OTOA: variants seen among roughly 807,000 people sequenced by gnomAD.
The protein encoded by OTOA is otoancorin.
A neutral mutation model predicts 110.8 loss-of-function variants in OTOA; 70 were observed. That is an observed-to-expected ratio of 0.63 (90% CI 0.52 to 0.77). The LOEUF (loss-of-function observed/expected upper bound fraction) is 0.77, where lower values mean the gene tolerates loss of function less well. Ranked by LOEUF, OTOA falls within the 30% of genes least tolerant of loss-of-function variation. OTOA has a pLI of 0.00. For synonymous variants in OTOA, 373 were observed against 431.5 expected (o/e 0.86, Z 1.68); for missense variants, 917 against 1,075.8 (o/e 0.85, Z 2.06).
chr16:21,695,866 G>GATATATATATATATATATATAT (rs71151648), intron 9 of OTOA, among the ~76,000 whole-genome samples: 5 of 72,728 alleles, frequency 6.9e-5, no homozygotes, highest in Non-Finnish European at 9.2e-5. Flanking sequence ...CTAGACTTGA[G>GATATATATATATATATATATAT]ATATATATAT....
intron 1 of OTOA, among the ~76,000 whole-genome samples, chr16:21,665,166 C>T (rs1039679601): frequency 1.4e-4 from 22 of 152,014 alleles, no homozygotes; most frequent in Admixed American, 1.4e-3. Flanking sequence ...GGGTCTTATC[C>T]CTGGGGTGGC....
At chr16:21,692,016 A>T (rs912905211) in intron 9 of OTOA, among the ~76,000 whole-genome samples, 7 of 152,116 alleles carry the variant, frequency 4.6e-5, no homozygotes, top group Admixed American at 1.3e-4. Flanking sequence ...AAATCTGTAT[A>T]AAAAAATCTA....
chr16:21,724,010 G>A (rs1169069837), intron 18 of OTOA, among the ~76,000 whole-genome samples: 1 of 152,176 alleles, frequency 6.6e-6, no homozygotes. Context: ...TGGAGCTGGA[G>A]AGAAACCACA....
At chr16:21,750,412 CAAAAAAA>C (rs761415597) in intron 24 of OTOA, among the ~76,000 whole-genome samples, 3,336 of 36,290 alleles carry the variant, frequency 0.092, 181 homozygotes, top group East Asian at 0.39. Context: ...GACCTTGTCT[CAAAAAAA>C]AAAAAAAAAA....
Position 21,728,274 on chromosome 16 carries a change from A to G in OTOA, c.2050A>G (p.Ile684Val), listed in dbSNP as rs760306563. The G allele has an allele frequency of 2.5e-6, 4 of 1,614,170 alleles. No homozygotes were observed. The Admixed American group carries it at 6.7e-5, about 27-fold the overall frequency. Residue 684 changes from isoleucine (I) to valine (V), a missense_variant, in exon 20 of 29, where the codon ATC becomes GTC. Around this residue, in one of 6 missense-constraint regions of OTOA, gnomAD observed 840 missense variants for 910.2 expected, o/e 0.92. Transcript: ENST00000646100. Reference sequence around the variant, plus strand: ...CATTGCTGATGAGTACACTGTGGACATCATGGGGAACCTGCTGTGTCACTT... The same window carrying G: ...CATTGCTGATGAGTACACTGTGGACGTCATGGGGAACCTGCTGTGTCACTT... ...DSIADEYTVD[I>V]MGNLLCHLPA...
At chr16:21,736,417 AT>A in intron 22 of OTOA, 27 bp downstream of exon 22, 1 of 1,613,740 alleles carries the variant, frequency 6.2e-7, no homozygotes, top group Non-Finnish European at 8.5e-7. Flanking sequence ...TATCTGAGCC[AT>A]TGCTGACATA....
chr16:21,709,933 A>T lies in OTOA; in HGVS notation c.1150A>T (p.Asn384Tyr). 6.2e-7 allele frequency: 1 copy of T among 1,613,994 alleles called. No individual in the cohort carries two copies. Among genetic ancestry groups the T allele is most frequent in the Non-Finnish European group, 8.5e-7 (1 of 1,179,930 alleles). Reference protein sequence around the residue: ...LDIAMENQTLNETLGSLSDAV... With the variant: ...LDIAMENQTLYETLGSLSDAV... ...CATTGCCATGGAGAACCAGACCCTC[A>T]ATGAGACCCTGGGTTCTTTGTCGGA... The change falls in exon 13 of 29, where the codon AAT becomes TAT. Residue 384 changes from asparagine to tyrosine, a missense_variant. Around this residue, in one of 6 missense-constraint regions of OTOA, gnomAD observed 840 missense variants for 910.2 expected, o/e 0.92. Transcript: ENST00000646100.
intron 12 of OTOA, among the ~76,000 whole-genome samples, chr16:21,708,823 C>A (rs548156231): frequency 6.6e-6 from 1 of 152,202 alleles, no homozygotes; most frequent in African/African-American, 2.4e-5. Flanking sequence ...TGTTACAGAG[C>A]TCATTGTATA....
intron 17 of OTOA, among the ~76,000 whole-genome samples, chr16:21,722,097 C>CAA (rs71379629): frequency 2.5e-4 from 32 of 127,722 alleles, no homozygotes; most frequent in African/African-American, 8.9e-4. Context: ...ACTAAAAATA[C>CAA]AAAAAAAAAA....
At chr16:21,731,814 T>C (rs1040094291) in intron 21 of OTOA, among the ~76,000 whole-genome samples, 1 of 152,176 alleles carries the variant, frequency 6.6e-6, no homozygotes, top group African/African-American at 2.4e-5. Flanking sequence ...AAGGTGCACA[T>C]GGTCACACAT....
At chr16:21,685,420 G>T (rs1897695712) in intron 7 of OTOA, 59 bp downstream of exon 7, 8 of 1,596,316 alleles carry the variant, frequency 5.0e-6, no homozygotes, top group Non-Finnish European at 6.8e-6. Context: ...GGTGTTTGTT[G>T]AATTGAATAA....
rs1900143504 is a variant in OTOA at position 21,760,649 on chromosome 16, A to G, written c.*109A>G. On this transcript the variant is annotated 3_prime_UTR_variant, in exon 29 of 29. Coordinates refer to ENST00000646100, the MANE Select transcript of OTOA (RefSeq NM_144672.4). ...CTTCCCTGGATCCAGACCCTCATCT[A>G]GGGCAGGGAAACCCTGGGGCCTTGA... 8.2e-6 allele frequency: 8 copies of G among 977,352 alleles called. No individual in the cohort carries two copies. In the Admixed American group the frequency reaches 1.4e-4, roughly 17 times the overall value. The allele number at this position is 977,352 out of a possible 1,614,324, so 60.5% of individuals were successfully genotyped here.
At chr16:21,664,760 C>G (rs1436553136) in intron 1 of OTOA, among the ~76,000 whole-genome samples, 1 of 151,918 alleles carries the variant, frequency 6.6e-6, no homozygotes, top group Non-Finnish European at 1.5e-5. Flanking sequence ...TCACTTGAGG[C>G]CAGGAGTTCG....
At chr16:21,678,470 T>TATA (rs1555496228) in intron 1 of OTOA, 41 bp from the exon 2 acceptor site, 4 of 1,184,012 alleles carry the variant, frequency 3.4e-6, no homozygotes, top group South Asian at 1.3e-5. Flanking sequence ...ATATATATAT[T>TATA]AAAAAAACAT....
At chr16:21,685,001 C>A (rs1025574797) in intron 6 of OTOA, among the ~76,000 whole-genome samples, 1 of 151,988 alleles carries the variant, frequency 6.6e-6, no homozygotes, top group African/African-American at 2.4e-5. Flanking sequence ...CCACCCGCCT[C>A]GGCCTCCCAA....
chr16:21,718,820 G>C (rs367923802), intron 15 of OTOA, among the ~76,000 whole-genome samples: 1 of 152,088 alleles, frequency 6.6e-6, no homozygotes, highest in East Asian at 1.9e-4. Flanking sequence ...TTCTCAACTG[G>C]TCAGCAGCTT....
rs1897833100 is a variant in OTOA, at chr16:21,691,692, G to A, written c.739+5G>A. On this transcript the variant is annotated splice_donor_5th_base_variant and intron_variant, in intron 9 of 28. Transcript: ENST00000646100. ...AGACATCCTCCAATGCCACTGGTGA[G>A]CCTGTACTTGGAGGTGGGGTCACTT... 1.9e-6 allele frequency: 3 copies of A among 1,611,132 alleles called. No individual in the cohort carries two copies. In the African/African-American group the frequency reaches 4.0e-5, roughly 22 times the overall value.
chr16:21,706,569 C>T (rs1016363210), intron 12 of OTOA, among the ~76,000 whole-genome samples: 8 of 152,094 alleles, frequency 5.3e-5, no homozygotes, highest in South Asian at 4.1e-4. Flanking sequence ...TGAGCAAACA[C>T]GCTCTCTCTC....
At chr16:21,732,581 CATAT>C (rs1465642898) in intron 21 of OTOA, among the ~76,000 whole-genome samples, 1 of 151,952 alleles carries the variant, frequency 6.6e-6, no homozygotes, top group Non-Finnish European at 1.5e-5. Flanking sequence ...TGAGAACATC[CATAT>C]ATCTATCTAA....
Sources: allele counts gnomAD v4.1 joint callset (sites outside exome capture counted in the v4.1 genomes callset), GRCh38; gene constraint gnomAD v4.1.1; regional missense constraint gnomAD v4.1.1; transcripts MANE v1.5; gene names NCBI Gene and HGNC (gene_info 2026-07-23, HGNC 2026-07-21).